SEMA5A: variants seen among roughly 807,000 people sequenced by gnomAD.
The protein encoded by SEMA5A is semaphorin 5A.
A neutral mutation model predicts 135.5 loss-of-function variants in SEMA5A; 55 were observed. That is an observed-to-expected ratio of 0.41 (90% CI 0.33 to 0.51). The LOEUF is 0.51. Ranked by LOEUF, SEMA5A falls within the 20% of genes least tolerant of loss-of-function variation. The pLI is 0.37. For missense variants in SEMA5A, 1,290 were observed against 1,419.9 expected (o/e 0.91, Z 1.47); for synonymous variants, 580 against 546.5 (o/e 1.06, Z -0.85).
chr5:9,065,767 T>C (rs981722861), intron 17 of SEMA5A, among the ~76,000 whole-genome samples: 1 of 152,224 alleles, frequency 6.6e-6, no homozygotes, highest in Non-Finnish European at 1.5e-5. Flanking sequence ...CAATTCCTTT[T>C]TCTGCAGTTG....
chr5:9,486,697 T>G (rs959241795), intron 1 of SEMA5A, among the ~76,000 whole-genome samples: 1 of 152,050 alleles, frequency 6.6e-6, no homozygotes, highest in African/African-American at 2.4e-5. Context: ...AATGGACTCC[T>G]CAGACTATAA....
At chr5:9,427,549 CT>C (rs1757703292) in intron 2 of SEMA5A, among the ~76,000 whole-genome samples, 1 of 152,170 alleles carries the variant, frequency 6.6e-6, no homozygotes, top group African/African-American at 2.4e-5. Flanking sequence ...CTTTACTAAC[CT>C]TCTGCCTTCT....
At chr5:9,386,340 C>T (rs947627143) in intron 2 of SEMA5A, among the ~76,000 whole-genome samples, 5 of 152,152 alleles carry the variant, frequency 3.3e-5, no homozygotes, top group Admixed American at 6.5e-5. Context: ...AATAGTTCTG[C>T]GTATTGAAAA....
chr5:9,036,654 C>T lies in SEMA5A; in HGVS notation c.*6243G>A, dbSNP rs1735667959. On this transcript the variant is annotated 3_prime_UTR_variant, in exon 23 of 23. Coordinates refer to ENST00000382496, the MANE Select transcript of SEMA5A (RefSeq NM_003966.3). ...ATATGTTGTACCTATTCTGGTTCTACATCCCCAGTGAGGGCAAAAATCACA... is the reference window on the plus strand; with the variant it reads ...ATATGTTGTACCTATTCTGGTTCTATATCCCCAGTGAGGGCAAAAATCACA... 3 of 152,630 alleles carry T rather than the reference C, an allele frequency of 2.0e-5. No homozygotes were observed. Among genetic ancestry groups the T allele is most frequent in the Non-Finnish European group, 4.4e-5 (3 of 68,036 alleles). 9.5% of individuals were successfully genotyped at this position (152,630 alleles called of 1,614,324 possible).
rs188953626 is a variant in SEMA5A at position 9,307,147 on chromosome 5, A to C, written c.270+11225T>G. On this transcript the variant is annotated intron_variant, in intron 5 of 22. Transcript: ENST00000382496. The stretch of plus-strand genomic sequence containing the variant: ...TTTCAAAAATTAAACTGAGCAACCA[A>C]CCCATATAAAATCATTGAAGGGATC... Among the ~76,000 whole-genome samples, 7 of 152,324 alleles carry C rather than the reference A, an allele frequency of 4.6e-5. No individual in the cohort carries two copies. The East Asian group carries it at 7.7e-4, about 17-fold the overall frequency.
intron 2 of SEMA5A, among the ~76,000 whole-genome samples, chr5:9,385,628 T>A (rs1400277090): frequency 6.6e-6 from 1 of 152,072 alleles, no homozygotes; most frequent in Non-Finnish European, 1.5e-5. Context: ...GCCTCAGAGA[T>A]GTCTCAGGAA....
intron 1 of SEMA5A, among the ~76,000 whole-genome samples, chr5:9,474,660 C>T (rs992406654): frequency 6.6e-6 from 1 of 152,210 alleles, no homozygotes; most frequent in Non-Finnish European, 1.5e-5. Context: ...ATTGCAGAAT[C>T]ATTTCCATTG....
At chr5:9,341,674 T>TATATATATATAATATATATAATATATA (rs975557445) in intron 3 of SEMA5A, among the ~76,000 whole-genome samples, 276 of 22,870 alleles carry the variant, frequency 0.012, 1 homozygote, top group African/African-American at 0.021. Context: ...ATAATATATA[T>TATATATATATAATATATATAATATATA]TATATATATA....
intron 3 of SEMA5A, 126 bp from the exon 4 acceptor site, chr5:9,337,938 A>G (rs1380615910): frequency 4.8e-6 from 3 of 625,978 alleles, no homozygotes; most frequent in Non-Finnish European, 7.9e-6. Flanking sequence ...CCTCTATGCC[A>G]TCTTTCAGAG....
At chr5:9,309,903 T>TAA (rs1752045202) in intron 5 of SEMA5A, among the ~76,000 whole-genome samples, 1 of 152,212 alleles carries the variant, frequency 6.6e-6, no homozygotes, top group African/African-American at 2.4e-5. Context: ...GGAACAGATA[T>TAA]AAGAGCCTAG....
intron 10 of SEMA5A, among the ~76,000 whole-genome samples, chr5:9,195,301 G>A (rs1298719478): frequency 6.6e-6 from 1 of 152,032 alleles, no homozygotes; most frequent in Non-Finnish European, 1.5e-5. Context: ...AAATAGCTAG[G>A]ACTATAGATG....
At chr5:9,544,514 C>T (rs1172956398) in intron 1 of SEMA5A, among the ~76,000 whole-genome samples, 2 of 151,338 alleles carry the variant, frequency 1.3e-5, no homozygotes, top group Non-Finnish European at 2.9e-5. Flanking sequence ...GCTCCCCCAA[C>T]CCCCGGCCCC....
intron 16 of SEMA5A, among the ~76,000 whole-genome samples, chr5:9,069,416 G>A (rs759066178): frequency 7.9e-5 from 12 of 151,922 alleles, no homozygotes; most frequent in African/African-American, 2.4e-4. Flanking sequence ...CTGACTTTGC[G>A]CATTCATGCC....
intron 15 of SEMA5A, among the ~76,000 whole-genome samples, chr5:9,117,489 G>A (rs2150174564): frequency 6.6e-6 from 1 of 152,294 alleles, no homozygotes; most frequent in East Asian, 1.9e-4. Flanking sequence ...TAGGACCCAA[G>A]TCTAAATACA....
At chr5:9,134,579 T>C (rs766034580) in intron 13 of SEMA5A, among the ~76,000 whole-genome samples, 2 of 152,238 alleles carry the variant, frequency 1.3e-5, no homozygotes, top group African/African-American at 4.8e-5. Flanking sequence ...CCCTTCTAGG[T>C]TGAGGGTCCC....
At chr5:9,419,158 T>C (rs577490892) in intron 2 of SEMA5A, among the ~76,000 whole-genome samples, 15 of 152,292 alleles carry the variant, frequency 9.8e-5, no homozygotes, top group Non-Finnish European at 2.2e-4. Flanking sequence ...AGTTGTTCAA[T>C]TTCCATGTGT....
chr5:9,162,444 A>G (rs796081335), intron 11 of SEMA5A, among the ~76,000 whole-genome samples: 5 of 95,448 alleles, frequency 5.2e-5, no homozygotes, highest in African/African-American at 2.2e-4. Flanking sequence ...ATATATGTGT[A>G]TGTGTATATA....
chr5:9,521,346 G>C (rs1027244781), intron 1 of SEMA5A, among the ~76,000 whole-genome samples: 4 of 152,210 alleles, frequency 2.6e-5, no homozygotes, highest in African/African-American at 9.7e-5. Context: ...GGAGGTGGAG[G>C]CCGCAGTGAG....
intron 13 of SEMA5A, among the ~76,000 whole-genome samples, chr5:9,130,187 C>A (rs1741329550): frequency 6.6e-6 from 1 of 152,120 alleles, no homozygotes; most frequent in Admixed American, 6.5e-5. Context: ...GATGTAGATG[C>A]ATTTGGTGAG....
Sources: allele counts gnomAD v4.1 joint callset (sites outside exome capture counted in the v4.1 genomes callset), GRCh38; gene constraint gnomAD v4.1.1; transcripts MANE v1.5; gene names NCBI Gene and HGNC (gene_info 2026-07-23, HGNC 2026-07-21).